The following MAP3K19 variants were observed in gnomAD, a reference collection of about 807,000 sequenced individuals.
MAP3K19 encodes mitogen-activated protein kinase kinase kinase 19, also known as SPS1/STE20-related protein kinase YSK4.
Under a neutral mutation model 114.4 loss-of-function variants are expected in MAP3K19, and 91 were observed. The ratio of observed to expected loss-of-function variants is 0.80; its 90% CI spans 0.67 to 0.95. MAP3K19 has a LOEUF of 0.95. Ranked by LOEUF, MAP3K19 falls within the 40% of genes least tolerant of loss-of-function variation. The pLI is 0.00. For missense variants in MAP3K19, 1,471 were observed against 1,573.2 expected, an observed-to-expected ratio of 0.94 and a Z score of 1.10; for synonymous variants, 518 against 530.5, an observed-to-expected ratio of 0.98 and a Z score of 0.32.
chr2:135,028,902 C>T (rs1688315661), intron 3 of MAP3K19, among the ~76,000 whole-genome samples: 1 of 151,996 alleles, frequency 6.6e-6, no homozygotes, highest in Admixed American at 6.6e-5. Context: ...AAGAAGAAAC[C>T]ACCTCTGATA....
At chr2:134,997,820 A>AAAAAAAAAAAAAAAAAAAAAAAAAAC (rs61650738) in intron 8 of MAP3K19, among the ~76,000 whole-genome samples, 1 of 148,418 alleles carries the variant, frequency 6.7e-6, no homozygotes, top group African/African-American at 2.5e-5. Flanking sequence ...TCCGTCTCAA[A>AAAAAAAAAAAAAAAAAAAAAAAAAAC]AAAAAAAAAA....
At chr2:135,014,691 C>A (rs1481014266) in intron 5 of MAP3K19, among the ~76,000 whole-genome samples, 1 of 152,186 alleles carries the variant, frequency 6.6e-6, no homozygotes, top group South Asian at 2.1e-4. Context: ...CTACCAATAT[C>A]CCCAAAGAAC....
At chr2:135,017,628 T>C (rs1478099314) in intron 5 of MAP3K19, among the ~76,000 whole-genome samples, 1 of 152,168 alleles carries the variant, frequency 6.6e-6, no homozygotes, top group Non-Finnish European at 1.5e-5. Context: ...CCCTCCTGTT[T>C]TTCAACCTCA....
At chr2:135,043,119 G>T (rs2104801720) in intron 1 of MAP3K19, among the ~76,000 whole-genome samples, 1 of 152,080 alleles carries the variant, frequency 6.6e-6, no homozygotes, top group Non-Finnish European at 1.5e-5. Context: ...GAATGTGAGG[G>T]TTCACAGGAT....
At chr2:135,016,972 A>G (rs2105353502) in intron 5 of MAP3K19, among the ~76,000 whole-genome samples, 1 of 152,228 alleles carries the variant, frequency 6.6e-6, no homozygotes, top group Non-Finnish European at 1.5e-5. Context: ...TTTGGTTCTG[A>G]TAACATTTTT....
intron 5 of MAP3K19, among the ~76,000 whole-genome samples, chr2:135,021,209 G>A (rs554421550): frequency 1.3e-5 from 2 of 152,192 alleles, no homozygotes; most frequent in East Asian, 3.9e-4. Context: ...CCTTTGGGAG[G>A]TAGATTATGA....
intron 4 of MAP3K19, 114 bp from the exon 5 acceptor site, chr2:135,021,944 A>C: frequency 1.6e-6 from 1 of 610,626 alleles, no homozygotes; most frequent in Non-Finnish European, 2.7e-6. Flanking sequence ...ATTTTCCTGA[A>C]ATAGTGGTCT....
At chr2:134,983,156 A>G (rs575557839) in intron 11 of MAP3K19, 2 of 528,472 alleles carry the variant, frequency 3.8e-6, no homozygotes, top group East Asian at 5.5e-5. Flanking sequence ...TATTTCTTCT[A>G]TCTGACTGTA....
chr2:134,971,049 G>A (rs1200133462), intron 12 of MAP3K19, among the ~76,000 whole-genome samples: 2 of 152,186 alleles, frequency 1.3e-5, no homozygotes, highest in Non-Finnish European at 2.9e-5. Context: ...GATGTTAGCT[G>A]TGGGTTTGTC....
At chr2:134,978,829 A>T (rs1370669066) in intron 12 of MAP3K19, among the ~76,000 whole-genome samples, 1 of 152,068 alleles carries the variant, frequency 6.6e-6, no homozygotes, top group Non-Finnish European at 1.5e-5. Flanking sequence ...CCTTCAATAC[A>T]TTGCCATCTG....
At chr2:134,983,028 C>T (rs544366598) in intron 11 of MAP3K19, among the ~76,000 whole-genome samples, 1 of 152,318 alleles carries the variant, frequency 6.6e-6, no homozygotes, top group South Asian at 2.1e-4. Flanking sequence ...CATCCATCAC[C>T]TCAAACATTT....
intron 5 of MAP3K19, among the ~76,000 whole-genome samples, chr2:135,011,775 T>C (rs1470890007): frequency 6.6e-6 from 1 of 152,054 alleles, no homozygotes; most frequent in African/African-American, 2.4e-5. Flanking sequence ...TTTGAACTCC[T>C]GGGCTTGAAT....
At chr2:135,042,392 C>T (rs1574061028) in intron 1 of MAP3K19, among the ~76,000 whole-genome samples, 2 of 151,342 alleles carry the variant, frequency 1.3e-5, no homozygotes, top group African/African-American at 4.8e-5. Context: ...GTCCCAGCTA[C>T]TCTGGAGGCT....
chr2:135,046,836 A>G (rs1301516537), intron 1 of MAP3K19, among the ~76,000 whole-genome samples: 7 of 152,258 alleles, frequency 4.6e-5, no homozygotes, highest in Non-Finnish European at 8.8e-5. Flanking sequence ...GATTGGTTAC[A>G]AGAAGATTCA....
rs1413245877 is a variant in MAP3K19 at position 134,983,792 on chromosome 2, C to G, written c.3106G>C (p.Glu1036Gln). 1 of 1,603,986 alleles carries G rather than the reference C, an allele frequency of 6.2e-7. No homozygotes were observed. Among genetic ancestry groups the G allele is most frequent in the Non-Finnish European group, 8.5e-7 (1 of 1,175,892 alleles). ...TCATTTGAGATGAGAAATTTCTCCT[C>G]CCTGTCATATATCCTGAGCCCACTA... ...HSSGLRIYDR[E>Q]EKFLISNEKK... Residue 1036 changes from glutamate to glutamine, a missense_variant, in exon 11 of 13, where the codon GAG (glutamate) becomes CAG (glutamine). Physicochemically the swap from Glu to Gln is conservative, Grantham distance 29. Transcript: ENST00000392915.
At position 135,000,853 on chromosome 2, in the gene MAP3K19, C is replaced by T. The variant is rs116120335; in HGVS notation, c.236-838G>A. 3.8e-3 allele frequency among the ~76,000 whole-genome samples: 571 copies of T among 152,214 alleles called. 6 individuals are homozygous for T. The highest frequency in any genetic ancestry group is 0.013 in the African/African-American group (546 of 41,538). On this transcript the variant is annotated intron_variant, in intron 6 of 12. Transcript: ENST00000392915. The stretch of plus-strand genomic sequence containing the variant: ...CTCAATCTGCTTGTGCCTGGAGGAG[C>T]AATGGCTGTATGAGCTCCACTAATT...
intron 12 of MAP3K19, among the ~76,000 whole-genome samples, chr2:134,974,192 A>G (rs1684071691): frequency 6.6e-6 from 1 of 151,522 alleles, no homozygotes; most frequent in African/African-American, 2.4e-5. Context: ...GTAGAGATGG[A>G]TTTTCTCCAT....
At chr2:135,039,149 T>C (rs1435378024) in intron 2 of MAP3K19, among the ~76,000 whole-genome samples, 4 of 149,148 alleles carry the variant, frequency 2.7e-5, no homozygotes, top group African/African-American at 7.4e-5. Context: ...TTTTAGCATA[T>C]GTGCTATATT....
chr2:135,026,459 T>G (rs2104778478), intron 3 of MAP3K19, among the ~76,000 whole-genome samples: 1 of 152,246 alleles, frequency 6.6e-6, no homozygotes, highest in South Asian at 2.1e-4. Context: ...TTTTACAATA[T>G]CTTGTATTCT....
Sources: gnomAD v4.1 joint callset for allele counts (sites outside exome capture counted in the v4.1 genomes callset) on GRCh38, gnomAD v4.1.1 for gene constraint, MANE v1.5 for transcripts, NCBI Gene and HGNC (gene_info 2026-07-23, HGNC 2026-07-21) for gene names.